The following PCED1B variants were observed in gnomAD, a reference collection of about 807,000 sequenced individuals.
PCED1B encodes PC-esterase domain-containing protein 1B.
For synonymous variants in PCED1B, 251 were observed against 246.1 expected, an observed-to-expected ratio of 1.02 and a Z score of -0.19; for missense variants, 573 against 573.9, an observed-to-expected ratio of 1.00 and a Z score of 0.02.
intron 2 of PCED1B, among the ~76,000 whole-genome samples, chr12:47,130,579 C>T (rs955090573): frequency 4.6e-5 from 7 of 152,112 alleles, no homozygotes; most frequent in African/African-American, 1.7e-4. Context: ...GTCCCAGCTA[C>T]TTAGGAGGCT....
intron 2 of PCED1B, among the ~76,000 whole-genome samples, chr12:47,142,584 A>G (rs904071251): frequency 3.9e-5 from 6 of 152,314 alleles, no homozygotes; most frequent in Admixed American, 1.3e-4. Flanking sequence ...GAAACAATCC[A>G]TAAACAAAAT....
At chr12:47,165,422 A>G (rs1054591993) in intron 2 of PCED1B, among the ~76,000 whole-genome samples, 1 of 152,182 alleles carries the variant, frequency 6.6e-6, no homozygotes, top group African/African-American at 2.4e-5. Flanking sequence ...TTTCACTTAT[A>G]TGTTCCTAAA....
chr12:47,202,643 G>A (rs930319084), intron 2 of PCED1B, among the ~76,000 whole-genome samples: 4 of 144,116 alleles, frequency 2.8e-5, no homozygotes, highest in Non-Finnish European at 4.5e-5. Flanking sequence ...AAATTGCAAC[G>A]CTGCAAAACT....
At chr12:47,137,730 TA>T (rs71077122) in intron 2 of PCED1B, among the ~76,000 whole-genome samples, 52,691 of 97,688 alleles carry the variant, frequency 0.54, 11,694 homozygotes, top group Admixed American at 0.61. Flanking sequence ...AGGCCCTGTC[TA>T]AAAAAAAAAA....
chr12:47,085,936 A>G (rs1019025615), intron 1 of PCED1B, among the ~76,000 whole-genome samples: 14 of 151,354 alleles, frequency 9.2e-5, no homozygotes, highest in African/African-American at 3.2e-4. Context: ...AGTGACTCAG[A>G]CCTCCCCTGT....
intron 2 of PCED1B, among the ~76,000 whole-genome samples, chr12:47,167,632 A>G (rs1486046347): frequency 6.6e-6 from 1 of 152,228 alleles, no homozygotes; most frequent in Non-Finnish European, 1.5e-5. Context: ...AGTGTCATAA[A>G]TAGCAGCACA....
rs759999715 is a variant in PCED1B, at chr12:47,235,356, A to G, written c.293A>G (p.Tyr98Cys). 1.2e-5 allele frequency: 20 copies of G among 1,613,930 alleles called. No homozygotes were observed. In the Admixed American group the frequency reaches 3.3e-4, roughly 27 times the overall value. The part of the protein sequence containing the change: ...LVRFYFLTRV[Y>C]SDYLQTILKE... ...CGTTTTTACTTCCTCACCCGCGTGT[A>G]CTCCGATTACCTCCAGACCATCTTG... is the stretch of plus-strand genomic sequence containing the variant. The change falls in exon 4 of 4, where the codon TAC becomes TGC. Residue 98 changes from tyrosine (Y) to cysteine (C), a missense_variant. Coordinates refer to ENST00000546455, the MANE Select transcript of PCED1B (RefSeq NM_138371.3).
At chr12:47,225,559 C>T (rs1943608955) in intron 3 of PCED1B, among the ~76,000 whole-genome samples, 1 of 152,262 alleles carries the variant, frequency 6.6e-6, no homozygotes, top group African/African-American at 2.4e-5. Flanking sequence ...CAAATGCTGA[C>T]ATAGATAAAT....
At chr12:47,112,949 A>C (rs1939262995) in intron 2 of PCED1B, among the ~76,000 whole-genome samples, 1 of 152,214 alleles carries the variant, frequency 6.6e-6, no homozygotes, top group African/African-American at 2.4e-5. Flanking sequence ...GCAAAAGCAA[A>C]TGGAATTTCC....
chr12:47,134,712 A>G (rs567806225), intron 2 of PCED1B, among the ~76,000 whole-genome samples: 61 of 152,292 alleles, frequency 4.0e-4, no homozygotes, highest in Admixed American at 3.5e-3. Flanking sequence ...TACTAAAAAT[A>G]CAAAAATTAG....
intron 2 of PCED1B, among the ~76,000 whole-genome samples, chr12:47,146,996 C>CTT (rs1940811239): frequency 1.3e-5 from 1 of 79,418 alleles, no homozygotes; most frequent in Admixed American, 1.5e-4. Flanking sequence ...TAGTTCATTG[C>CTT]TCTTTTTTTT....
chr12:47,133,840 T>C (rs76711282), intron 2 of PCED1B, among the ~76,000 whole-genome samples: 2,226 of 152,292 alleles, frequency 0.015, 30 homozygotes, highest in Non-Finnish European at 0.024. Flanking sequence ...GTGGAACCTT[T>C]AGGAGGTGAT....
At chr12:47,210,350 A>C (rs1403411990) in intron 2 of PCED1B, 2 of 152,252 alleles carry the variant, frequency 1.3e-5, no homozygotes, top group Non-Finnish European at 2.9e-5. Context: ...AACACTTAGA[A>C]ATCATGACTA....
chr12:47,162,033 T>G (rs1006740644), intron 2 of PCED1B, among the ~76,000 whole-genome samples: 1 of 151,228 alleles, frequency 6.6e-6, no homozygotes, highest in Non-Finnish European at 1.5e-5. Flanking sequence ...AAACACCGCA[T>G]GTTCTCACTC....
intron 3 of PCED1B, among the ~76,000 whole-genome samples, chr12:47,234,103 C>A (rs539502480): frequency 1.3e-5 from 2 of 152,336 alleles, no homozygotes; most frequent in Admixed American, 1.3e-4. Flanking sequence ...ATTCTCCTGC[C>A]TCAGCCTCCC....
chr12:47,123,072 T>C (rs1592167530), intron 2 of PCED1B, among the ~76,000 whole-genome samples: 1 of 152,214 alleles, frequency 6.6e-6, no homozygotes. Context: ...ATCTGCCTTA[T>C]GTAGAAATCC....
chr12:47,235,925 T>C lies in PCED1B; in HGVS notation c.862T>C (p.Leu288=). Residue 288 remains leucine, a synonymous_variant, in exon 4 of 4, where the codon TTA becomes CTA. Transcript: ENST00000546455. ...PPQANRNHPA[L]PLSPPLPSPT... is the part of the protein sequence containing the mutation. ...CCAGGCCAACAGAAATCACCCGGCCTTACCTCTGTCCCCACCCTTACCTTC... is the reference window on the plus strand; with the variant it reads ...CCAGGCCAACAGAAATCACCCGGCCCTACCTCTGTCCCCACCCTTACCTTC... 1 of 1,610,662 alleles carries C rather than the reference T, an allele frequency of 6.2e-7. No homozygotes were observed. The highest frequency in any genetic ancestry group is 8.5e-7 in the Non-Finnish European group (1 of 1,178,706).
chr12:47,175,620 C>A (rs1390745445), intron 2 of PCED1B, among the ~76,000 whole-genome samples: 1 of 152,114 alleles, frequency 6.6e-6, no homozygotes, highest in African/African-American at 2.4e-5. Context: ...GTTGCCCAGG[C>A]TGGAGTGCAA....
At chr12:47,120,746 G>C (rs754865113) in intron 2 of PCED1B, among the ~76,000 whole-genome samples, 10 of 152,284 alleles carry the variant, frequency 6.6e-5, no homozygotes, top group African/African-American at 2.4e-4. Flanking sequence ...AGGTTGCAGT[G>C]AGCTGAGATC....
Sources: allele counts gnomAD v4.1 joint callset (sites outside exome capture counted in the v4.1 genomes callset), GRCh38; gene constraint gnomAD v4.1.1; transcripts MANE v1.5; gene names NCBI Gene and HGNC (gene_info 2026-07-23, HGNC 2026-07-21).